The following COL24A1 variants were observed in gnomAD, a reference collection of about 807,000 sequenced individuals.
COL24A1 encodes collagen alpha-1(XXIV) chain.
COL24A1 carries 224 observed loss-of-function variants against 253.9 expected under a neutral mutation model. The ratio of observed to expected loss-of-function variants is 0.88; its 90% CI spans 0.79 to 0.99. The LOEUF (loss-of-function observed/expected upper bound fraction) is 0.99. Among genes scored for constraint, COL24A1 ranks in the 50% least tolerant of loss-of-function variants. COL24A1 has a pLI of 0.00. For missense variants in COL24A1, 2,131 were observed against 2,068.5 expected, an observed-to-expected ratio of 1.03 and a Z score of -0.59; for synonymous variants, 685 against 673.7, an observed-to-expected ratio of 1.02 and a Z score of -0.26.
At chr1:85,836,438 A>G (rs1029334091) in intron 43 of COL24A1, among the ~76,000 whole-genome samples, 7 of 152,226 alleles carry the variant, frequency 4.6e-5, no homozygotes, top group African/African-American at 1.7e-4. Flanking sequence ...GATAATGCTA[A>G]CCATCAGTTT....
chr1:85,847,999 G>T (rs890003909), intron 38 of COL24A1, among the ~76,000 whole-genome samples: 1 of 152,050 alleles, frequency 6.6e-6, no homozygotes, highest in African/African-American at 2.4e-5. Context: ...GGGGCATCTG[G>T]TGCTCATGTT....
Position 85,923,293 on chromosome 1 carries a change from T to A in COL24A1, c.2563-11860A>T, listed in dbSNP as rs529960034. On this transcript the variant is annotated intron_variant, in intron 24 of 59. Coordinates refer to ENST00000370571, the MANE Select transcript of COL24A1 (RefSeq NM_152890.7). The stretch of plus-strand genomic sequence containing the variant: ...GAAGGTTAAAAAGGATATCCAGGAC[T>A]TGAACTCAGCTCTGCACCAAGTGGA... Among the ~76,000 whole-genome samples, 5 of 152,288 alleles carry A rather than the reference T, an allele frequency of 3.3e-5. No individual in the cohort carries two copies. The South Asian group carries it at 1.0e-3, about 32-fold the overall frequency.
At chr1:85,990,979 G>A (rs558119120) in intron 19 of COL24A1, among the ~76,000 whole-genome samples, 10 of 151,836 alleles carry the variant, frequency 6.6e-5, no homozygotes, top group Non-Finnish European at 1.3e-4. Context: ...AGAAAGAAGA[G>A]GATTAAAAAA....
Position 85,910,010 on chromosome 1 carries a change from A to G in COL24A1, c.2617-7T>C. 1 of 1,607,442 alleles carries G rather than the reference A, an allele frequency of 6.2e-7. No individual in the cohort carries two copies. The highest frequency in any genetic ancestry group is 1.3e-5 in the African/African-American group (1 of 74,804). ...CTGGACTTCCACGTTCTCCCTTTTAAGAGAACAAAGAAAAAAGAGTAACAT... is the reference window on the plus strand; with the variant it reads ...CTGGACTTCCACGTTCTCCCTTTTAGGAGAACAAAGAAAAAAGAGTAACAT... On this transcript the variant is annotated splice_region_variant and splice_polypyrimidine_tract_variant and intron_variant, in intron 25 of 59. Transcript: ENST00000370571.
At chr1:86,005,464 A>C (rs1182939640) in intron 19 of COL24A1, among the ~76,000 whole-genome samples, 1 of 152,110 alleles carries the variant, frequency 6.6e-6, no homozygotes, top group Non-Finnish European at 1.5e-5. Flanking sequence ...AAATTTAAAA[A>C]TTGCCTATTT....
At chr1:86,129,394 G>A (rs1302288797) in intron 2 of COL24A1, among the ~76,000 whole-genome samples, 2 of 150,444 alleles carry the variant, frequency 1.3e-5, no homozygotes, top group Non-Finnish European at 1.5e-5. Flanking sequence ...TACTATTTTT[G>A]TTCATTTTCT....
chr1:85,817,614 T>G (rs1366817691), intron 46 of COL24A1, among the ~76,000 whole-genome samples: 2 of 152,148 alleles, frequency 1.3e-5, no homozygotes, highest in African/African-American at 2.4e-5. Flanking sequence ...AAGATTAAAT[T>G]TTTTTTCCTA....
At chr1:85,826,544 T>C (rs1385721628) in intron 43 of COL24A1, among the ~76,000 whole-genome samples, 1 of 145,464 alleles carries the variant, frequency 6.9e-6, no homozygotes, top group Non-Finnish European at 1.5e-5. Flanking sequence ...ATATTGATTC[T>C]TCCTACCCAT....
At chr1:85,903,452 C>G (rs939052333) in intron 28 of COL24A1, among the ~76,000 whole-genome samples, 1 of 152,098 alleles carries the variant, frequency 6.6e-6, no homozygotes, top group African/African-American at 2.4e-5. Flanking sequence ...ATAAGCTTTA[C>G]GACAGGCTGT....
intron 8 of COL24A1, among the ~76,000 whole-genome samples, chr1:86,062,783 C>T (rs941798741): frequency 3.3e-5 from 5 of 152,130 alleles, no homozygotes; most frequent in African/African-American, 1.2e-4. Flanking sequence ...ACATATATCA[C>T]TTCGCTTGCC....
chr1:86,089,408 T>A (rs1365293844), intron 6 of COL24A1, among the ~76,000 whole-genome samples, 181 bp from the exon 7 acceptor site: 1 of 152,226 alleles, frequency 6.6e-6, no homozygotes, highest in Non-Finnish European at 1.5e-5. Flanking sequence ...CAGGGCTTAA[T>A]AACTGAACTG....
intron 22 of COL24A1, among the ~76,000 whole-genome samples, chr1:85,967,069 G>A (rs1307214889): frequency 6.6e-6 from 1 of 152,168 alleles, no homozygotes; most frequent in East Asian, 1.9e-4. Context: ...GACAGGGTAT[G>A]TAGTAAACAA....
intron 37 of COL24A1, among the ~76,000 whole-genome samples, chr1:85,861,594 A>C (rs998353584): frequency 1.3e-5 from 2 of 152,100 alleles, no homozygotes; most frequent in Non-Finnish European, 2.9e-5. Flanking sequence ...GTTCAACTTT[A>C]TTCTTTTGCA....
At chr1:85,766,378 AAAAAAAAAAAAAG>A (rs1667371730) in intron 53 of COL24A1, among the ~76,000 whole-genome samples, 1 of 142,402 alleles carries the variant, frequency 7.0e-6, no homozygotes, top group African/African-American at 2.6e-5. Context: ...CAAAAAAAAA[AAAAAAAAAAAAAG>A]AAAGAAAGAA....
intron 5 of COL24A1, among the ~76,000 whole-genome samples, chr1:86,102,084 A>T (rs1195186819): frequency 7.8e-6 from 1 of 128,314 alleles, no homozygotes; most frequent in Non-Finnish European, 1.7e-5. Flanking sequence ...TTGGTCTGTT[A>T]AGGAATGCAA....
chr1:85,897,450 A>G (rs900606172), intron 28 of COL24A1, among the ~76,000 whole-genome samples: 2 of 138,870 alleles, frequency 1.4e-5, no homozygotes, highest in Admixed American at 1.4e-4. Flanking sequence ...TAGCTGGAAT[A>G]AAAAAAAAAA....
intron 1 of COL24A1, among the ~76,000 whole-genome samples, chr1:86,149,522 C>T (rs1000373510): frequency 1.3e-5 from 2 of 152,198 alleles, no homozygotes; most frequent in African/African-American, 4.8e-5. Context: ...CTCAATTATG[C>T]TGTCTTAAGT....
At chr1:85,880,734 T>TA (rs1553211891) in intron 32 of COL24A1, among the ~76,000 whole-genome samples, 3 of 152,026 alleles carry the variant, frequency 2.0e-5, no homozygotes, top group South Asian at 2.1e-4. Context: ...GTTTTTTTTT[T>TA]ATCTTGAATT....
chr1:85,829,238 G>C (rs574712086), intron 43 of COL24A1, among the ~76,000 whole-genome samples: 1 of 151,862 alleles, frequency 6.6e-6, no homozygotes, highest in Non-Finnish European at 1.5e-5. Flanking sequence ...CTTTAAGAAT[G>C]TTGATATTGG....
Sources: gnomAD v4.1 joint callset for allele counts (sites outside exome capture counted in the v4.1 genomes callset) on GRCh38, gnomAD v4.1.1 for gene constraint, MANE v1.5 for transcripts, NCBI Gene and HGNC (gene_info 2026-07-23, HGNC 2026-07-21) for gene names.